The following MAEA variants were observed in gnomAD, a reference collection of about 807,000 sequenced individuals.
MAEA encodes the protein macrophage erythroblast attacher, E3 ubiquitin ligase.
MAEA carries 22 observed loss-of-function variants against 46.2 expected under a neutral mutation model. The ratio of observed to expected loss-of-function variants is 0.48; its 90% CI spans 0.34 to 0.68. The LOEUF (loss-of-function observed/expected upper bound fraction) is 0.68, where lower values mean the gene tolerates loss of function less well. MAEA is among the 30% of genes least tolerant of loss of function. The probability of loss-of-function intolerance (pLI) is 0.01; values close to 1 mark genes in which losing one functional copy is unlikely to be tolerated. For missense variants in MAEA, 393 were observed against 558.1 expected (o/e 0.70, Z 2.98); for synonymous variants, 246 against 222.6 (o/e 1.11, Z -0.94).
rs573251512 is a variant in MAEA at position 1,311,289 on chromosome 4, C to T, written c.70-690C>T. 2.0e-5 allele frequency among the ~76,000 whole-genome samples: 3 copies of T among 152,354 alleles called. No homozygotes were observed. The South Asian group carries it at 6.2e-4, about 32-fold the overall frequency. On this transcript the variant is annotated intron_variant, in intron 1 of 8. Coordinates refer to ENST00000303400, the MANE Select transcript of MAEA (RefSeq NM_001017405.3). This position sits in a 1 kb window ranked among gnomAD's most constrained non-coding sequence, Gnocchi z 4.4. ...GGGGAGCGCTGGGGCGTGATTCTGT[C>T]GTGCCGCTTTCAAACCGTAGAGCAC...
At chr4:1,321,189 G>A (rs753740638) in intron 3 of MAEA, among the ~76,000 whole-genome samples, 3 of 151,754 alleles carry the variant, frequency 2.0e-5, no homozygotes, top group Non-Finnish European at 2.9e-5. Flanking sequence ...GCTATGAAGG[G>A]GCTTCAGAAA....
chr4:1,326,394 C>T (rs1035064782), intron 4 of MAEA, among the ~76,000 whole-genome samples: 3 of 152,208 alleles, frequency 2.0e-5, no homozygotes, highest in African/African-American at 7.2e-5. Flanking sequence ...GTCCTGAAAC[C>T]ACACGGAAGA....
At position 1,338,432 on chromosome 4, in the gene MAEA, A is replaced by C. The variant is rs1278473610; in HGVS notation, c.910A>C (p.Lys304Gln). The C allele has an allele frequency of 1.2e-6, 2 of 1,612,412 alleles. No homozygotes were observed. Among genetic ancestry groups the C allele is most frequent in the Non-Finnish European group, 1.7e-6 (2 of 1,179,572 alleles). ...LSAIKTPQCY[K>Q]EDGSSKSPDC... ...TGACCCGATGCTCAGACAGTGCTAC[A>C]AGGAGGACGGCAGCTCCAAGAGCCC... The change falls in exon 8 of 9, where the codon AAG becomes CAG. Residue 304 changes from lysine to glutamine, a missense_variant. Lys to Gln is a moderately conservative substitution (Grantham distance 53). Around this residue, in one of 2 missense-constraint regions of MAEA, gnomAD observed 358 missense variants for 537.9 expected, o/e 0.67. Coordinates refer to ENST00000303400, the MANE Select transcript of MAEA (RefSeq NM_001017405.3).
At chr4:1,309,885 C>A in intron 1 of MAEA, 1 of 1,308,058 alleles carries the variant, frequency 7.6e-7, no homozygotes, top group Non-Finnish European at 9.8e-7. Context: ...GGCGGACGGC[C>A]CGGCAGGGGT....
At chr4:1,297,325 G>T (rs13108904) in intron 1 of MAEA, among the ~76,000 whole-genome samples, 55,223 of 152,174 alleles carry the variant, frequency 0.36, 12,011 homozygotes, top group Non-Finnish European at 0.49. Flanking sequence ...GGGGGAATCA[G>T]TGCCGCCCTG....
chr4:1,323,702 G>A, intron 4 of MAEA: 2 of 679,684 alleles, frequency 2.9e-6, no homozygotes, highest in Admixed American at 2.1e-5. Context: ...TGCCAGGGCT[G>A]TTTCCTGTGG....
chr4:1,331,206 G>C (rs56115381), intron 5 of MAEA: 45,148 of 150,006 alleles, frequency 0.3, 7,916 homozygotes, highest in Non-Finnish European at 0.4. Context: ...CTGGAATCTC[G>C]GATGGCCGTC....
intron 1 of MAEA, among the ~76,000 whole-genome samples, chr4:1,310,372 T>C (rs1163116356): frequency 1.1e-4 from 16 of 152,216 alleles, no homozygotes. Flanking sequence ...CCGTCTTTCC[T>C]AAGCAGTGCC....
rs1328160830 is a variant in MAEA at position 1,309,592 on chromosome 4, G to T, written c.70-2387G>T. ...AGCGCTGGAGGAGGAGCAGAGGCAG[G>T]GAGGTGGGAGGAGCGTGCGCAGAGG... On this transcript the variant is annotated intron_variant, in intron 1 of 8. Transcript: ENST00000303400. The T allele has an allele frequency of 2.4e-5, 36 of 1,502,836 alleles. No homozygotes were observed. In the East Asian group the frequency reaches 8.9e-4, roughly 37 times the overall value. 93.1% of individuals were successfully genotyped at this position (1,502,836 alleles called of 1,614,324 possible).
At chr4:1,322,943 C>CTTTTTTTTTT (rs60692981) in intron 4 of MAEA, among the ~76,000 whole-genome samples, 2 of 75,246 alleles carry the variant, frequency 2.7e-5, no homozygotes, top group African/African-American at 6.2e-5. Context: ...TGAATACCCA[C>CTTTTTTTTTT]TTTTTTTTTT....
intron 1 of MAEA, among the ~76,000 whole-genome samples, chr4:1,302,453 C>T (rs1214502027): frequency 6.6e-6 from 1 of 152,210 alleles, no homozygotes; most frequent in Admixed American, 6.5e-5. Context: ...AGGAACTCTT[C>T]TAGTTCATTA....
chr4:1,333,618 C>T (rs916209443), intron 6 of MAEA, among the ~76,000 whole-genome samples: 42 of 152,198 alleles, frequency 2.8e-4, no homozygotes, highest in African/African-American at 9.4e-4. Context: ...TGGCCCCAAC[C>T]CAGCAGCTGG....
intron 1 of MAEA, among the ~76,000 whole-genome samples, chr4:1,295,564 G>A (rs963227405): frequency 2.0e-5 from 3 of 151,232 alleles, no homozygotes; most frequent in Non-Finnish European, 4.4e-5. Context: ...CTTCATGCTC[G>A]CCCATGCCTG....
At chr4:1,290,704 T>A (rs890520274) in intron 1 of MAEA, among the ~76,000 whole-genome samples, 1 of 152,222 alleles carries the variant, frequency 6.6e-6, no homozygotes, top group East Asian at 1.9e-4. Context: ...GGTTCTGTGT[T>A]GCCTTCCTGG....
chr4:1,331,280 C>G (rs1308521415), intron 5 of MAEA: 1 of 151,412 alleles, frequency 6.6e-6, no homozygotes, highest in Non-Finnish European at 1.5e-5. Flanking sequence ...CTCCCAGTCC[C>G]TGTATGCACC....
chr4:1,324,461 GC>G (rs1738546563), intron 4 of MAEA, among the ~76,000 whole-genome samples: 1 of 150,730 alleles, frequency 6.6e-6, no homozygotes, highest in Non-Finnish European at 1.5e-5. Flanking sequence ...GAGATTGGAT[GC>G]CTGGTGGATG....
intron 6 of MAEA, among the ~76,000 whole-genome samples, chr4:1,333,591 C>T (rs952963388): frequency 1.3e-5 from 2 of 152,234 alleles, no homozygotes; most frequent in Admixed American, 1.3e-4. Flanking sequence ...ACTAACCAGG[C>T]ACCCTGTGCT....
intron 5 of MAEA, chr4:1,329,420 C>G: frequency 1.0e-6 from 1 of 985,448 alleles, no homozygotes. Flanking sequence ...CAGAGCTGTG[C>G]CCTCTGCGGC....
At chr4:1,296,834 C>G (rs950271895) in intron 1 of MAEA, among the ~76,000 whole-genome samples, 2 of 152,176 alleles carry the variant, frequency 1.3e-5, no homozygotes, top group African/African-American at 4.8e-5. Flanking sequence ...ACTCGGCTCC[C>G]GTGACACCAT....
Sources: allele counts gnomAD v4.1 joint callset (sites outside exome capture counted in the v4.1 genomes callset), GRCh38; gene constraint gnomAD v4.1.1; regional missense constraint gnomAD v4.1.1; non-coding constraint Gnocchi (gnomAD v3.1); transcripts MANE v1.5; gene names NCBI Gene and HGNC (gene_info 2026-07-23, HGNC 2026-07-21).